Variants in CLYBL observed in about 807,000 individuals in gnomAD.
The protein encoded by CLYBL is citramalyl-CoA lyase, mitochondrial.
Under a neutral mutation model 38.9 loss-of-function variants are expected in CLYBL, and 31 were observed. That is an observed-to-expected ratio of 0.80 (90% CI 0.60 to 1.08). The LOEUF is 1.08. Among genes scored for constraint, CLYBL ranks in the 50% least tolerant of loss-of-function variants. The pLI is 0.00. For missense variants in CLYBL, 434 were observed against 411.6 expected, an observed-to-expected ratio of 1.05 and a Z score of -0.47; for synonymous variants, 171 against 158.6, an observed-to-expected ratio of 1.08 and a Z score of -0.59.
intron 1 of CLYBL, among the ~76,000 whole-genome samples, chr13:99,670,716 CTTAGCTACACCTTCCGTGG>C (rs993546150): frequency 6.6e-6 from 1 of 152,212 alleles, no homozygotes. Context: ...ACCCCCTGAT[CTTAGCTACACCTTCCGTGG>C]TCCTTTTCTA....
intron 1 of CLYBL, among the ~76,000 whole-genome samples, chr13:99,674,386 G>A (rs186476836): frequency 1.3e-5 from 2 of 151,960 alleles, no homozygotes; most frequent in Non-Finnish European, 2.9e-5. Context: ...TCCTGACCTC[G>A]TGATCTGCCC....
At chr13:99,729,341 A>T (rs996800189) in intron 1 of CLYBL, among the ~76,000 whole-genome samples, 1 of 152,186 alleles carries the variant, frequency 6.6e-6, no homozygotes, top group East Asian at 1.9e-4. Flanking sequence ...GCAGCCCTTT[A>T]GATTGGGCTC....
intron 2 of CLYBL, among the ~76,000 whole-genome samples, chr13:99,824,145 G>A (rs1487059559): frequency 6.6e-6 from 1 of 152,152 alleles, no homozygotes; most frequent in African/African-American, 2.4e-5. Flanking sequence ...TCAGGTTGCT[G>A]GTGGCTTGGC....
At chr13:99,732,815 A>G (rs1440058330) in intron 1 of CLYBL, among the ~76,000 whole-genome samples, 1 of 152,230 alleles carries the variant, frequency 6.6e-6, no homozygotes, top group Non-Finnish European at 1.5e-5. Flanking sequence ...ACCCAAAGAT[A>G]TTTAAAAATA....
intron 2 of CLYBL, among the ~76,000 whole-genome samples, chr13:99,797,560 T>TTGTGTGTGTGTGTGTGTG (rs3033584): frequency 0.26 from 37,225 of 141,382 alleles, 5,070 homozygotes; most frequent in Non-Finnish European, 0.3. Context: ...TGTTAGCTGT[T>TTGTGTGTGTGTGTGTGTG]TGTGTGTGTG....
intron 1 of CLYBL, among the ~76,000 whole-genome samples, chr13:99,637,527 G>C (rs905254053): frequency 2.6e-5 from 4 of 152,176 alleles, no homozygotes; most frequent in African/African-American, 9.7e-5. Flanking sequence ...TTGGGAGGCC[G>C]AGGCGGGTGG....
intron 1 of CLYBL, among the ~76,000 whole-genome samples, chr13:99,685,656 C>T (rs975420063): frequency 1.3e-5 from 2 of 152,082 alleles, no homozygotes; most frequent in Non-Finnish European, 2.9e-5. Context: ...TTGCTGAGTC[C>T]TTCTCTCTCA....
At chr13:99,652,478 C>T (rs565052381) in intron 1 of CLYBL, among the ~76,000 whole-genome samples, 37 of 152,106 alleles carry the variant, frequency 2.4e-4, no homozygotes, top group Middle Eastern at 6.8e-3. Flanking sequence ...GAGGCTGAAG[C>T]GGGTGGATCA....
intron 1 of CLYBL, among the ~76,000 whole-genome samples, chr13:99,753,009 G>A (rs1239404571): frequency 1.3e-5 from 2 of 152,134 alleles, no homozygotes; most frequent in African/African-American, 4.8e-5. Flanking sequence ...CCAGGAGGGG[G>A]CATGGGGAAG....
intron 1 of CLYBL, among the ~76,000 whole-genome samples, chr13:99,702,398 A>T (rs2048080292): frequency 6.6e-6 from 1 of 152,172 alleles, no homozygotes; most frequent in African/African-American, 2.4e-5. Context: ...TGGGAGGCCA[A>T]GGCGGGTGGA....
At chr13:99,733,172 C>CTGT (rs1291632023) in intron 1 of CLYBL, among the ~76,000 whole-genome samples, 1 of 152,076 alleles carries the variant, frequency 6.6e-6, no homozygotes, top group East Asian at 1.9e-4. Flanking sequence ...AGATTACTCC[C>CTGT]TGTTCAGTCT....
intron 1 of CLYBL, among the ~76,000 whole-genome samples, chr13:99,736,375 G>A (rs892459894): frequency 1.3e-5 from 2 of 151,718 alleles, no homozygotes; most frequent in Non-Finnish European, 2.9e-5. Flanking sequence ...TAAAGTATAA[G>A]TAAATCTCAT....
chr13:99,888,478 A>G (rs1924110), intron 7 of CLYBL, among the ~76,000 whole-genome samples: 134,054 of 152,212 alleles, frequency 0.88, 59,455 homozygotes, highest in African/African-American at 0.97. Context: ...GGCCATGCGC[A>G]GTGGCTCACA....
chr13:99,681,743 C>T lies in CLYBL; in HGVS notation c.62+74986C>T, dbSNP rs79047241. ...CTGGGGTTACAGGCATGTGCCACGA[C>T]GCCTGGTTACTTTTTGTATTTTTAG... On this transcript the variant is annotated intron_variant, in intron 1 of 8. Coordinates refer to ENST00000339105, the MANE Select transcript of CLYBL (RefSeq NM_206808.5). Among the ~76,000 whole-genome samples, 512 of 151,850 alleles carry T rather than the reference C, an allele frequency of 3.4e-3. 13 individuals are homozygous for T. In the East Asian group the frequency reaches 0.075, roughly 22 times the overall value.
Position 99,866,334 on chromosome 13 carries a change from G to C in CLYBL, c.729G>C (p.Leu243=), listed in dbSNP as rs960150261. 1 of 1,614,010 alleles carries C rather than the reference G, an allele frequency of 6.2e-7. No individual in the cohort carries two copies. The highest frequency in any genetic ancestry group is 8.5e-7 in the Non-Finnish European group (1 of 1,180,036). Residue 243 remains leucine (L), a synonymous_variant, in exon 6 of 9, where the codon CTG becomes CTC. Coordinates refer to ENST00000339105, the MANE Select transcript of CLYBL (RefSeq NM_206808.5). ...CCTTTGGTCTCCAAGCCATAGATCT[G>C]GTGTACATTGACTTTCGAGATGGAG... ...AKAFGLQAID[L]VYIDFRDGAG...
intron 2 of CLYBL, among the ~76,000 whole-genome samples, chr13:99,852,686 C>T (rs1397551082): frequency 1.3e-5 from 2 of 151,816 alleles, no homozygotes; most frequent in Non-Finnish European, 2.9e-5. Context: ...CTCCCATATA[C>T]TCATCAATCA....
intron 1 of CLYBL, among the ~76,000 whole-genome samples, chr13:99,683,069 A>G (rs1445101003): frequency 1.4e-5 from 2 of 148,078 alleles, no homozygotes; most frequent in South Asian, 2.1e-4. Flanking sequence ...TTATATATAT[A>G]TATATGTTTT....
At position 99,693,820 on chromosome 13, in the gene CLYBL, A is replaced by G. The variant is rs2047942002; in HGVS notation, c.63-79004A>G. On this transcript the variant is annotated intron_variant, in intron 1 of 8. Transcript: ENST00000339105. Reference sequence around the variant, plus strand: ...TTTTAAGACTATCTCAGAAGGCTGGAGCAGCATCTTTCTGATTTCTTCTGC... The same window carrying G: ...TTTTAAGACTATCTCAGAAGGCTGGGGCAGCATCTTTCTGATTTCTTCTGC... Among the ~76,000 whole-genome samples, 4 of 152,172 alleles carry G rather than the reference A, an allele frequency of 2.6e-5. No homozygotes were observed. In the South Asian group the frequency reaches 8.3e-4, roughly 32 times the overall value.
At chr13:99,651,473 G>T (rs2047251565) in intron 1 of CLYBL, among the ~76,000 whole-genome samples, 1 of 152,184 alleles carries the variant, frequency 6.6e-6, no homozygotes, top group Non-Finnish European at 1.5e-5. Flanking sequence ...GGGAGGCTGA[G>T]GTGGGAGAAT....
Sources: gnomAD v4.1 joint callset for allele counts (sites outside exome capture counted in the v4.1 genomes callset) on GRCh38, gnomAD v4.1.1 for gene constraint, MANE v1.5 for transcripts, NCBI Gene and HGNC (gene_info 2026-07-23, HGNC 2026-07-21) for gene names.